FBXL3: variants seen among roughly 807,000 people sequenced by gnomAD.
FBXL3 encodes F-box and leucine rich repeat protein 3.
In FBXL3, 14 loss-of-function variants were observed where a neutral mutation model predicts 37.9. That is an observed-to-expected ratio of 0.37 (90% CI 0.24 to 0.58). The LOEUF is 0.58. Among genes scored for constraint, FBXL3 ranks in the 20% least tolerant of loss-of-function variants. The pLI is 0.74. For synonymous variants in FBXL3, 194 were observed against 180.1 expected (o/e 1.08, Z -0.62); for missense variants, 327 against 511.1 (o/e 0.64, Z 3.47).
intron 4 of FBXL3, chr13:77,015,206 T>G: frequency 8.2e-6 from 3 of 368,076 alleles, no homozygotes; most frequent in Non-Finnish European, 1.4e-5. Flanking sequence ...ATTTATCAAA[T>G]AAGATTAGAA....
chr13:77,021,187 A>C (rs2034736462), intron 2 of FBXL3, among the ~76,000 whole-genome samples: 1 of 152,220 alleles, frequency 6.6e-6, no homozygotes, highest in South Asian at 2.1e-4. Flanking sequence ...ACTCAATTAT[A>C]ATCTCCCAAT....
chr13:77,012,766 A>G (rs146474816), intron 4 of FBXL3: 1 of 152,300 alleles, frequency 6.6e-6, no homozygotes, highest in Non-Finnish European at 1.5e-5. Flanking sequence ...TCAAATAGAA[A>G]GTATTACAAG....
Position 77,021,750 on chromosome 13 carries a change from AC to A in FBXL3, c.110del (p.Gly37ValfsTer47), listed in dbSNP as rs1593934922. ...GGAGAATAATGTCCTGAAGGAGATT[AC>A]CCCAATCACAAGTCTGAGAATGCTC... ...TNEHSQTCDWGNLLQDIILQV... is the reference protein window; with the variant it reads ...TNEHSQTCDWXNLLQDIILQV... On this transcript the variant is annotated frameshift_variant, in exon 2 of 5. Transcript: ENST00000355619. LOFTEE classifies it high-confidence loss of function. 1.2e-6 allele frequency: 2 copies of A among 1,613,848 alleles called. No homozygotes were observed. Among genetic ancestry groups the A allele is most frequent in the Admixed American group, 1.7e-5 (1 of 60,032 alleles).
rs893350748 is a variant in FBXL3, at chr13:77,006,317, ATTGT to A, written c.*824_*827del. On this transcript the variant is annotated 3_prime_UTR_variant, in exon 5 of 5. Transcript: ENST00000355619. Reference sequence around the variant, plus strand: ...AATAGGTAAGCTTTTCATTTCAATTATTGTTTAATACTTTAAAGCTAGTTTAAAC... The same window carrying A: ...AATAGGTAAGCTTTTCATTTCAATTATTAATACTTTAAAGCTAGTTTAAAC... The A allele has an allele frequency of 7.2e-5, 11 of 152,152 alleles. No homozygotes were observed. The highest frequency in any genetic ancestry group is 1.4e-4 in the African/African-American group (6 of 41,462). 9.4% of individuals were successfully genotyped at this position (152,152 alleles called of 1,614,324 possible).
Position 77,006,886 on chromosome 13 carries a change from A to G in FBXL3, c.*259T>C, listed in dbSNP as rs922969957. Reference sequence around the variant, plus strand: ...TCCTTTAGACTGTAAACTGTTTAATACGTATAACTGGTTATTTCACATCCG... The same window carrying G: ...TCCTTTAGACTGTAAACTGTTTAATGCGTATAACTGGTTATTTCACATCCG... On this transcript the variant is annotated 3_prime_UTR_variant, in exon 5 of 5. Transcript: ENST00000355619. The G allele has an allele frequency of 1.2e-5, 16 of 1,281,840 alleles. No individual in the cohort carries two copies. The highest frequency in any genetic ancestry group is 1.4e-5 in the Non-Finnish European group (14 of 1,012,814). The allele number at this position is 1,281,840 out of a possible 1,614,324, so 79.4% of individuals were successfully genotyped here.
At chr13:77,013,699 G>C (rs553237510) in intron 4 of FBXL3, 1 of 152,240 alleles carries the variant, frequency 6.6e-6, no homozygotes, top group African/African-American at 2.4e-5. Context: ...CAAATGCTCG[G>C]GAAGACTGAT....
At position 77,007,049 on chromosome 13, in the gene FBXL3, G is replaced by C. The variant is rs1421043878; in HGVS notation, c.*96C>G. ...CTGACTGAAGATATCAAATTTCTGT[G>C]CCACAAAATAGTAGAATTATATCAG... On this transcript the variant is annotated 3_prime_UTR_variant, in exon 5 of 5. Coordinates refer to ENST00000355619, the MANE Select transcript of FBXL3 (RefSeq NM_012158.4). 5 of 1,470,508 alleles carry C rather than the reference G, an allele frequency of 3.4e-6. No homozygotes were observed. The highest frequency in any genetic ancestry group is 4.5e-6 in the Non-Finnish European group (5 of 1,118,430). The allele number at this position is 1,470,508 out of a possible 1,614,324, so 91.1% of individuals were successfully genotyped here.
chr13:77,021,933 C>T, intron 1 of FBXL3, 72 bp from the exon 2 acceptor site: 1 of 1,241,724 alleles, frequency 8.1e-7, no homozygotes, highest in Non-Finnish European at 1.1e-6. Flanking sequence ...ATTCATTCTT[C>T]TGTCACTGAG....
chr13:77,015,488 A>T lies in FBXL3; in HGVS notation c.564T>A (p.Ser188=). The T allele has an allele frequency of 6.2e-7, 1 of 1,608,702 alleles. No individual in the cohort carries two copies. Among genetic ancestry groups the T allele is most frequent in the East Asian group, 2.2e-5 (1 of 44,560 alleles). The part of the protein sequence containing the change: ...KIDDTPVDDP[S]LKVLVANNSD... The stretch of plus-strand genomic sequence containing the variant: ...TATTGTTGGCCACTAGTACTTTGAG[A>T]GATGGATCATCTACTGGAGTATCAT... The change falls in exon 4 of 5, where the codon TCT becomes TCA. Residue 188 remains serine, a synonymous_variant. Coordinates refer to ENST00000355619, the MANE Select transcript of FBXL3 (RefSeq NM_012158.4).
chr13:77,016,360 A>C (rs1169870543), intron 3 of FBXL3: 4 of 152,202 alleles, frequency 2.6e-5, no homozygotes, highest in Non-Finnish European at 5.9e-5. Flanking sequence ...ATCGGAGCTA[A>C]GATATGAGTT....
In FBXL3 at chr13:77,006,882, T is replaced by C. The variant is rs2034460458; in HGVS notation, c.*263A>G. 7.9e-7 allele frequency: 1 copy of C among 1,264,412 alleles called. No individual in the cohort carries two copies. The highest frequency in any genetic ancestry group is 3.8e-5 in the Admixed American group (1 of 26,658). The allele number at this position is 1,264,412 out of a possible 1,614,324, so 78.3% of individuals were successfully genotyped here. A position where few individuals can be genotyped will look rare whatever the true frequency, so the allele number is the denominator to read the frequency against. ...TGTTTCCTTTAGACTGTAAACTGTT[T>C]AATACGTATAACTGGTTATTTCACA... On this transcript the variant is annotated 3_prime_UTR_variant, in exon 5 of 5. Coordinates refer to ENST00000355619, the MANE Select transcript of FBXL3 (RefSeq NM_012158.4).
At chr13:77,025,687 CAAAAAA>C (rs35934318) in intron 1 of FBXL3, among the ~76,000 whole-genome samples, 808 of 73,958 alleles carry the variant, frequency 0.011, 4 homozygotes, top group Middle Eastern at 0.029. Context: ...GTCCTTGTCT[CAAAAAA>C]AAAAAAAAAA....
chr13:77,026,011 T>C (rs765232529), intron 1 of FBXL3, among the ~76,000 whole-genome samples: 5 of 152,040 alleles, frequency 3.3e-5, no homozygotes. Flanking sequence ...TATAGATAGA[T>C]AGATAACTGA....
Position 77,007,718 on chromosome 13 carries a change from A to G in FBXL3, c.714T>C (p.Asp238=). 1 of 1,614,046 alleles carries G rather than the reference A, an allele frequency of 6.2e-7. No homozygotes were observed. Among genetic ancestry groups the G allele is most frequent in the Non-Finnish European group, 8.5e-7 (1 of 1,179,942 alleles). The change falls in exon 5 of 5, where the codon GAT becomes GAC. Residue 238 remains aspartate, a synonymous_variant. Coordinates refer to ENST00000355619, the MANE Select transcript of FBXL3 (RefSeq NM_012158.4). Reference sequence around the variant, plus strand: ...CAGAAGACAATGCAAGTAACAACTCATCACTCAATAAGTGGTAGTTCAGGG... The same window carrying G: ...CAGAAGACAATGCAAGTAACAACTCGTCACTCAATAAGTGGTAGTTCAGGG... The part of the protein sequence containing the change: ...ELALNYHLLS[D]ELLLALSSEK...
At position 77,021,534 on chromosome 13, in the gene FBXL3, A is replaced by G. The variant is rs1176772424; in HGVS notation, c.327T>C (p.His109=). 1 of 1,612,008 alleles carries G rather than the reference A, an allele frequency of 6.2e-7. No individual in the cohort carries two copies. The highest frequency in any genetic ancestry group is 2.2e-5 in the East Asian group (1 of 44,852). ...TTACCTTGAAGCTGACATATTGTAG[A>G]TGGTTTGAATGTCTTTTAATAATCT... ...IKQIIKRHSN[H]LQYVSFKVDS... Residue 109 remains histidine (H), a synonymous_variant, in exon 2 of 5, where the codon CAT becomes CAC. Transcript: ENST00000355619.
chr13:77,025,035 T>C (rs1299157396), intron 1 of FBXL3, among the ~76,000 whole-genome samples: 1 of 152,196 alleles, frequency 6.6e-6, no homozygotes, highest in African/African-American at 2.4e-5. Flanking sequence ...TTAAATCTAT[T>C]TACACATGAA....
intron 1 of FBXL3, among the ~76,000 whole-genome samples, chr13:77,025,431 T>C (rs1223514751): frequency 6.6e-6 from 1 of 152,132 alleles, no homozygotes; most frequent in Admixed American, 6.6e-5. Flanking sequence ...CTATGTTCCA[T>C]AAACTTTCCA....
At chr13:77,015,224 T>C in intron 4 of FBXL3, 185 bp downstream of exon 4, 1 of 391,952 alleles carries the variant, frequency 2.6e-6, no homozygotes. Flanking sequence ...GAAAATAAGC[T>C]GAAAGTCAGT....
In FBXL3 at chr13:77,021,729, A is replaced by G; in HGVS notation, c.132T>C (p.Ile44=). 6.2e-7 allele frequency: 1 copy of G among 1,613,932 alleles called. No homozygotes were observed. The highest frequency in any genetic ancestry group is 8.5e-7 in the Non-Finnish European group (1 of 1,180,018). ...GAGGCAAATATTTAAATACTTGGAG[A>G]ATAATGTCCTGAAGGAGATTACCCC... ...CDWGNLLQDI[I]LQVFKYLPLL... The change falls in exon 2 of 5, where the codon ATT becomes ATC. Residue 44 remains isoleucine, a synonymous_variant. Transcript: ENST00000355619.
Sources: gnomAD v4.1 joint callset for allele counts (sites outside exome capture counted in the v4.1 genomes callset) on GRCh38, gnomAD v4.1.1 for gene constraint, MANE v1.5 for transcripts, NCBI Gene and HGNC (gene_info 2026-07-23, HGNC 2026-07-21) for gene names.